Variants in CHST9 observed in about 807,000 individuals in gnomAD.
CHST9 encodes carbohydrate sulfotransferase 9, also known as GalNAc-4-sulfotransferase 2.
Under a neutral mutation model 44.4 loss-of-function variants are expected in CHST9, and 41 were observed. The observed-to-expected ratio is 0.92, with a 90% CI of 0.72 to 1.20. The LOEUF is 1.20. CHST9 is among the 50% of genes most tolerant of loss of function. CHST9 has a pLI of 0.00. For synonymous variants in CHST9, 171 were observed against 178.4 expected, an observed-to-expected ratio of 0.96 and a Z score of 0.33; for missense variants, 504 against 516.5, an observed-to-expected ratio of 0.98 and a Z score of 0.23.
At chr18:27,132,445 C>T (rs1453718937) in intron 2 of CHST9, among the ~76,000 whole-genome samples, 1 of 152,300 alleles carries the variant, frequency 6.6e-6, no homozygotes, top group African/African-American at 2.4e-5. Context: ...TCTGAAAAAT[C>T]GAGTTAAACA....
At chr18:27,157,904 T>A (rs1333537468) in intron 1 of CHST9, among the ~76,000 whole-genome samples, 1 of 152,142 alleles carries the variant, frequency 6.6e-6, no homozygotes, top group Non-Finnish European at 1.5e-5. Context: ...TGCTGGTTAA[T>A]TTTAGTTAGT....
chr18:27,142,595 G>A (rs1266114047), intron 2 of CHST9, 94 bp downstream of exon 2: 9 of 864,284 alleles, frequency 1.0e-5, no homozygotes, highest in Non-Finnish European at 1.3e-5. Flanking sequence ...AAAATATTGT[G>A]ATTCTCAATA....
At chr18:26,985,395 C>T (rs537860921) in intron 4 of CHST9, among the ~76,000 whole-genome samples, 26 of 152,268 alleles carry the variant, frequency 1.7e-4, no homozygotes, top group African/African-American at 6.0e-4. Flanking sequence ...GAATTAACTA[C>T]GGTTTGCATG....
chr18:26,916,508 C>G lies in CHST9; in HGVS notation c.1083G>C (p.Leu361Phe). ...EKVSKLCYPC[L>F]INYDFVGKFE... ...ATTTCCCTACAAAATCATAGTTGAT[C>G]AAACACGGATAGCAGAGTTTGCTGA... Residue 361 changes from leucine (L) to phenylalanine (F), a missense_variant, in exon 6 of 6, where the codon TTG (leucine) becomes TTC (phenylalanine). By Grantham distance (22) the Leu-to-Phe change is conservative. Coordinates refer to ENST00000618847, the MANE Select transcript of CHST9 (RefSeq NM_031422.6). 1.2e-6 allele frequency: 2 copies of G among 1,613,796 alleles called. No homozygotes were observed. The highest frequency in any genetic ancestry group is 1.6e-4 in the Middle Eastern group (1 of 6,062).
At chr18:27,076,046 G>A (rs1379906419) in intron 2 of CHST9, among the ~76,000 whole-genome samples, 1 of 152,154 alleles carries the variant, frequency 6.6e-6, no homozygotes, top group Non-Finnish European at 1.5e-5. Flanking sequence ...CATTACCATT[G>A]TTATCGCATC....
At chr18:27,093,187 G>C (rs1382500749) in intron 2 of CHST9, among the ~76,000 whole-genome samples, 1 of 152,238 alleles carries the variant, frequency 6.6e-6, no homozygotes, top group Non-Finnish European at 1.5e-5. Flanking sequence ...CTCCCAGTTA[G>C]GCTACACAGG....
chr18:27,161,077 A>AT lies in CHST9; in HGVS notation c.-96-18173dup, dbSNP rs1457522451. On this transcript the variant is annotated intron_variant, in intron 1 of 5. Coordinates refer to ENST00000618847, the MANE Select transcript of CHST9 (RefSeq NM_031422.6). ...AAAAAACCAGCTCCTGGATTCATTG[A>AT]TTTTTTGAAGGGTTTTTTGTGTCTC... Among the ~76,000 whole-genome samples, 3 of 151,906 alleles carry AT rather than the reference A, an allele frequency of 2.0e-5. No individual in the cohort carries two copies. The East Asian group carries it at 5.8e-4, about 29-fold the overall frequency.
At chr18:27,163,786 C>G (rs1311443635) in intron 1 of CHST9, among the ~76,000 whole-genome samples, 1 of 152,134 alleles carries the variant, frequency 6.6e-6, no homozygotes, top group Non-Finnish European at 1.5e-5. Flanking sequence ...CCTCACCCTG[C>G]TTCGGCTCAC....
At chr18:27,136,052 C>T (rs1363517248) in intron 2 of CHST9, among the ~76,000 whole-genome samples, 5 of 152,106 alleles carry the variant, frequency 3.3e-5, no homozygotes, top group Non-Finnish European at 7.4e-5. Context: ...GGGCCTCATC[C>T]CAGATCTAGT....
At chr18:27,084,927 G>A (rs999254505) in intron 2 of CHST9, among the ~76,000 whole-genome samples, 1 of 151,682 alleles carries the variant, frequency 6.6e-6, no homozygotes, top group Non-Finnish European at 1.5e-5. Context: ...TCAGGAGCAG[G>A]TTGTTTAATT....
At chr18:26,950,245 G>A (rs953860402) in intron 4 of CHST9, among the ~76,000 whole-genome samples, 1 of 152,156 alleles carries the variant, frequency 6.6e-6, no homozygotes, top group African/African-American at 2.4e-5. Flanking sequence ...GAAAAGTAGA[G>A]ATTATTCCTC....
chr18:27,127,692 C>A (rs187921225), intron 2 of CHST9, among the ~76,000 whole-genome samples: 1 of 151,940 alleles, frequency 6.6e-6, no homozygotes, highest in African/African-American at 2.4e-5. Context: ...ATTACAGAAA[C>A]GACAAAGCAA....
At chr18:27,004,452 C>A (rs16943156) in intron 4 of CHST9, among the ~76,000 whole-genome samples, 2 of 151,826 alleles carry the variant, frequency 1.3e-5, no homozygotes, top group African/African-American at 4.8e-5. Flanking sequence ...AAATTGTGCC[C>A]ACTTTTAATG....
intron 2 of CHST9, among the ~76,000 whole-genome samples, chr18:27,084,240 A>G (rs1426083806): frequency 6.6e-6 from 1 of 151,936 alleles, no homozygotes; most frequent in African/African-American, 2.4e-5. Flanking sequence ...TTCTTTATAT[A>G]TCTGGTAGAA....
At chr18:27,057,045 A>T (rs766026145) in intron 2 of CHST9, among the ~76,000 whole-genome samples, 1 of 152,190 alleles carries the variant, frequency 6.6e-6, no homozygotes, top group African/African-American at 2.4e-5. Flanking sequence ...GTGGCCACCA[A>T]CTGTGGACTG....
chr18:26,920,503 T>G (rs961118765), intron 5 of CHST9, among the ~76,000 whole-genome samples: 1 of 152,220 alleles, frequency 6.6e-6, no homozygotes, highest in African/African-American at 2.4e-5. Flanking sequence ...GTTGTCTTTT[T>G]CACCCCACTC....
At chr18:27,033,412 C>T (rs966563622) in intron 3 of CHST9, among the ~76,000 whole-genome samples, 5 of 152,164 alleles carry the variant, frequency 3.3e-5, no homozygotes, top group Non-Finnish European at 7.4e-5. Flanking sequence ...TCTTTATCAT[C>T]CTGCTCTGTG....
At chr18:27,166,974 C>G (rs1167260959) in intron 1 of CHST9, among the ~76,000 whole-genome samples, 1 of 152,144 alleles carries the variant, frequency 6.6e-6, no homozygotes, top group Non-Finnish European at 1.5e-5. Flanking sequence ...GGGTAGAGTC[C>G]TTAATTCAGT....
chr18:27,005,562 T>C (rs1395562269), intron 4 of CHST9, among the ~76,000 whole-genome samples: 1 of 152,180 alleles, frequency 6.6e-6, no homozygotes, highest in African/African-American at 2.4e-5. Flanking sequence ...ATTTAGCAAA[T>C]TGTCTATGAA....
Sources: allele counts gnomAD v4.1 joint callset (sites outside exome capture counted in the v4.1 genomes callset), GRCh38; gene constraint gnomAD v4.1.1; transcripts MANE v1.5; gene names NCBI Gene and HGNC (gene_info 2026-07-23, HGNC 2026-07-21).